Variants in SEC14L5 observed in about 807,000 individuals in gnomAD.
SEC14L5 encodes SEC14 like lipid binding 5, also known as SEC14-like protein 5.
SEC14L5 carries 96 observed loss-of-function variants against 84.6 expected under a neutral mutation model. That is an observed-to-expected ratio of 1.13 (90% CI 0.96 to 1.34). The LOEUF (loss-of-function observed/expected upper bound fraction) is 1.34, where lower values mean the gene tolerates loss of function less well. Among genes scored for constraint, SEC14L5 ranks in the 40% most tolerant of loss-of-function variants. The pLI, the probability that SEC14L5 is intolerant of heterozygous loss-of-function variation, is 0.00. For missense variants in SEC14L5, 1,224 were observed against 942.5 expected (o/e 1.30, Z -3.91); for synonymous variants, 546 against 383.4 (o/e 1.42, Z -4.95).
At position 5,005,666 on chromosome 16, in the gene SEC14L5, C is replaced by G. The variant is rs534401983; in HGVS notation, c.1303-248C>G. On this transcript the variant is annotated intron_variant, in intron 11 of 15. Coordinates refer to ENST00000251170, the MANE Select transcript of SEC14L5 (RefSeq NM_014692.2). ...CACGAGGTCAGGAGATCGAGACCAT[C>G]CTGGCTAACATGGTGAAACCCCGTC... Among the ~76,000 whole-genome samples, 8 of 151,892 alleles carry G rather than the reference C, an allele frequency of 5.3e-5. 1 individual carries two copies. In the South Asian group the frequency reaches 1.7e-3, roughly 32 times the overall value.
At chr16:5,008,000 C>T (rs971978080) in intron 13 of SEC14L5, among the ~76,000 whole-genome samples, 1 of 151,448 alleles carries the variant, frequency 6.6e-6, no homozygotes, top group East Asian at 1.9e-4. Context: ...TTCTGCCTCC[C>T]AGGTTCAAGT....
At chr16:4,985,985 T>C (rs908810663) in intron 2 of SEC14L5, among the ~76,000 whole-genome samples, 8 of 151,998 alleles carry the variant, frequency 5.3e-5, no homozygotes, top group African/African-American at 1.9e-4. Flanking sequence ...AGGAGTGGAA[T>C]TGCTGGATCA....
rs1305314180 is a variant in SEC14L5, at chr16:5,017,087, G to T, written c.*2117G>T. The T allele has an allele frequency of 6.6e-6, 1 of 151,640 alleles. No individual in the cohort carries two copies. Among genetic ancestry groups the T allele is most frequent in the Non-Finnish European group, 1.5e-5 (1 of 67,982 alleles). The allele number at this position is 151,640 out of a possible 1,614,324, so 9.4% of individuals were successfully genotyped here. On this transcript the variant is annotated 3_prime_UTR_variant, in exon 16 of 16. Coordinates refer to ENST00000251170, the MANE Select transcript of SEC14L5 (RefSeq NM_014692.2). The stretch of plus-strand genomic sequence containing the variant: ...TCCTACAAGTATGCTGGGATAAGCT[G>T]CCCTGGCAGTCTTTATACATTTATT...
At chr16:4,982,317 G>A (rs1399727181) in intron 2 of SEC14L5, among the ~76,000 whole-genome samples, 3 of 152,158 alleles carry the variant, frequency 2.0e-5, no homozygotes, top group East Asian at 1.9e-4. Context: ...TCCCAATTCC[G>A]GGGCACGTGG....
At position 4,988,206 on chromosome 16, in the gene SEC14L5, A is replaced by G. The variant is rs748598785; in HGVS notation, c.271A>G (p.Arg91Gly). Reference sequence around the variant, plus strand: ...GACAAACATCTTGAACTGGAAGGAGAGGACGCTCCTCATCGAAGCGCACAA... The same window carrying G: ...GACAAACATCTTGAACTGGAAGGAGGGGACGCTCCTCATCGAAGCGCACAA... ...VQTNILNWKE[R>G]TLLIEAHNET... The change falls in exon 4 of 16, where the codon AGG (arginine) becomes GGG (glycine). Residue 91 changes from arginine (R) to glycine (G), a missense_variant. Coordinates refer to ENST00000251170, the MANE Select transcript of SEC14L5 (RefSeq NM_014692.2). 34 of 1,613,474 alleles carry G rather than the reference A, an allele frequency of 2.1e-5. No individual in the cohort carries two copies. The highest frequency in any genetic ancestry group is 2.9e-5 in the Non-Finnish European group (34 of 1,179,638).
chr16:4,961,870 G>A (rs1042084284), intron 2 of SEC14L5, among the ~76,000 whole-genome samples: 1 of 152,042 alleles, frequency 6.6e-6, no homozygotes, highest in Admixed American at 6.6e-5. Flanking sequence ...GAATGAACAA[G>A]TGCTTGGGTC....
intron 2 of SEC14L5, among the ~76,000 whole-genome samples, chr16:4,973,689 T>C (rs891630561): frequency 4.0e-5 from 6 of 150,178 alleles, no homozygotes; most frequent in Admixed American, 4.0e-4. Context: ...TCTTTTTTTT[T>C]TTTTTTTTTT....
At chr16:4,958,824 CTGTG>C (rs929415565) in intron 1 of SEC14L5, among the ~76,000 whole-genome samples, 1 of 151,996 alleles carries the variant, frequency 6.6e-6, no homozygotes, top group African/African-American at 2.4e-5. Context: ...GTGGTGAAGG[CTGTG>C]TGTGTATGTC....
chr16:4,986,640 A>G (rs1261592777), intron 2 of SEC14L5, among the ~76,000 whole-genome samples: 1 of 152,214 alleles, frequency 6.6e-6, no homozygotes, highest in African/African-American at 2.4e-5. Flanking sequence ...CCATCTTAAC[A>G]ATGTTAAGTC....
intron 2 of SEC14L5, among the ~76,000 whole-genome samples, chr16:4,980,500 A>T (rs1955408636): frequency 6.6e-6 from 1 of 151,998 alleles, no homozygotes; most frequent in South Asian, 2.1e-4. Flanking sequence ...GCGTGTGCTG[A>T]GTCTGTGGCT....
intron 4 of SEC14L5, among the ~76,000 whole-genome samples, chr16:4,990,191 C>G (rs1206150706): frequency 6.6e-6 from 1 of 150,922 alleles, no homozygotes; most frequent in Non-Finnish European, 1.5e-5. Flanking sequence ...GAGATGGAGT[C>G]TTGCTCTATT....
Position 5,000,934 on chromosome 16 carries a change from C to T in SEC14L5, c.1130+9C>T. The T allele has an allele frequency of 6.3e-7, 1 of 1,597,492 alleles. No homozygotes were observed. Among genetic ancestry groups the T allele is most frequent in the Non-Finnish European group, 8.5e-7 (1 of 1,171,140 alleles). ...CTGGGCCGTCCCATCAGGCAAACAC[C>T]TGGGCTGGGCACAAATCCCCCCTAA... On this transcript the variant is annotated intron_variant, in intron 10 of 15. Transcript: ENST00000251170.
chr16:4,959,337 A>G lies in SEC14L5; in HGVS notation c.14A>G (p.Tyr5Cys), dbSNP rs1955090803. 1.1e-5 allele frequency: 18 copies of G among 1,613,560 alleles called. No individual in the cohort carries two copies. The highest frequency in any genetic ancestry group is 1.4e-5 in the Non-Finnish European group (16 of 1,179,674). Residue 5 changes from tyrosine to cysteine, a missense_variant, in exon 2 of 16, where the codon TAC (tyrosine) becomes TGC (cysteine). Transcript: ENST00000251170. ...TCCAGCGTGAACATGGTGCAAAGATACCAGTCTCCTGTCCGAGTCTACAAG... is the reference window on the plus strand; with the variant it reads ...TCCAGCGTGAACATGGTGCAAAGATGCCAGTCTCCTGTCCGAGTCTACAAG... MVQR[Y>C]QSPVRVYKYP...
intron 1 of SEC14L5, among the ~76,000 whole-genome samples, 174 bp from the exon 2 acceptor site, chr16:4,959,099 C>G (rs1405247496): frequency 2.0e-5 from 3 of 151,008 alleles, no homozygotes; most frequent in Non-Finnish European, 4.4e-5. Flanking sequence ...TGGCTAATGA[C>G]AGGGAAGCTG....
rs1048071489 is a variant in SEC14L5 at position 4,992,227 on chromosome 16, A to G, written c.667+197A>G. On this transcript the variant is annotated intron_variant, in intron 6 of 15. Coordinates refer to ENST00000251170, the MANE Select transcript of SEC14L5 (RefSeq NM_014692.2). ...CCATCCTGGTCCAAGAGCAGAACTCATTTGTTTCTTTTCTTTTCTCTTTTC... is the reference window on the plus strand; with the variant it reads ...CCATCCTGGTCCAAGAGCAGAACTCGTTTGTTTCTTTTCTTTTCTCTTTTC... 2.6e-5 allele frequency among the ~76,000 whole-genome samples: 4 copies of G among 152,222 alleles called. No individual in the cohort carries two copies. In the South Asian group the frequency reaches 8.3e-4, roughly 32 times the overall value.
At chr16:4,962,492 A>T (rs1418679483) in intron 2 of SEC14L5, among the ~76,000 whole-genome samples, 1 of 152,158 alleles carries the variant, frequency 6.6e-6, no homozygotes, top group South Asian at 2.1e-4. Flanking sequence ...GTTCGAGACG[A>T]GCTTGGCCAA....
At chr16:5,001,431 T>C (rs998530498) in intron 10 of SEC14L5, among the ~76,000 whole-genome samples, 2 of 152,024 alleles carry the variant, frequency 1.3e-5, no homozygotes, top group African/African-American at 4.8e-5. Context: ...ACTAATTTTT[T>C]TGTATTTTTA....
At chr16:5,013,345 A>G (rs892318736) in intron 15 of SEC14L5, among the ~76,000 whole-genome samples, 2 of 151,954 alleles carry the variant, frequency 1.3e-5, no homozygotes, top group Admixed American at 6.6e-5. Context: ...CTGGACTGAG[A>G]TCTAAGTAGT....
intron 2 of SEC14L5, among the ~76,000 whole-genome samples, chr16:4,980,080 G>A (rs1289572361): frequency 6.6e-6 from 1 of 152,214 alleles, no homozygotes; most frequent in Admixed American, 6.5e-5. Context: ...TGTGCTGCTG[G>A]GCGAGTCACT....
Sources: gnomAD v4.1 joint callset for allele counts (sites outside exome capture counted in the v4.1 genomes callset) on GRCh38, gnomAD v4.1.1 for gene constraint, MANE v1.5 for transcripts, NCBI Gene and HGNC (gene_info 2026-07-23, HGNC 2026-07-21) for gene names.